The following FOXP4 variants were observed in gnomAD, a reference collection of about 807,000 sequenced individuals.
FOXP4 encodes the protein forkhead box protein P4.
FOXP4 carries 25 observed loss-of-function variants against 82.6 expected under a neutral mutation model. The ratio of observed to expected loss-of-function variants is 0.30; its 90% CI spans 0.22 to 0.42. FOXP4 has a LOEUF of 0.42. Among genes scored for constraint, FOXP4 ranks in the 10% least tolerant of loss-of-function variants. The pLI is 1.00. For synonymous variants in FOXP4, 415 were observed against 388.2 expected, an observed-to-expected ratio of 1.07 and a Z score of -0.81; for missense variants, 785 against 900.9, an observed-to-expected ratio of 0.87 and a Z score of 1.65.
At chr6:41,553,871 C>T (rs991496369) in intron 1 of FOXP4, among the ~76,000 whole-genome samples, 2 of 152,174 alleles carry the variant, frequency 1.3e-5, no homozygotes, top group African/African-American at 4.8e-5. Context: ...TCCAAGCCTC[C>T]CAACAGTCAG....
At chr6:41,565,324 C>T (rs1303224441) in intron 1 of FOXP4, among the ~76,000 whole-genome samples, 2 of 152,310 alleles carry the variant, frequency 1.3e-5, no homozygotes, top group Middle Eastern at 3.4e-3. Flanking sequence ...CGCACCACTG[C>T]ACTCTAGCCT....
intron 1 of FOXP4, among the ~76,000 whole-genome samples, chr6:41,548,842 T>G (rs1284515461): frequency 1.5e-5 from 2 of 130,584 alleles, no homozygotes; most frequent in African/African-American, 6.0e-5. Context: ...TTTTTTTTTT[T>G]TTTCAACTTG....
intron 2 of FOXP4, among the ~76,000 whole-genome samples, chr6:41,576,367 C>T (rs928183655): frequency 5.3e-5 from 8 of 152,080 alleles, no homozygotes; most frequent in South Asian, 2.1e-4. Context: ...TGAACGGACG[C>T]GAAGGTGGTT....
chr6:41,566,078 A>G, intron 2 of FOXP4, 114 bp downstream of exon 2: 1 of 1,201,048 alleles, frequency 8.3e-7, no homozygotes, highest in African/African-American at 1.5e-5. Flanking sequence ...TCACTTTACC[A>G]TTCTTAAGAC....
At chr6:41,565,723 TG>T in intron 1 of FOXP4, 21 bp from the exon 2 acceptor site, 1 of 1,559,778 alleles carries the variant, frequency 6.4e-7, no homozygotes, top group Non-Finnish European at 8.7e-7. Context: ...GCCTCTCCCC[TG>T]TGTCTCTCTT....
At chr6:41,548,802 C>T (rs1261076782) in intron 1 of FOXP4, among the ~76,000 whole-genome samples, 6 of 150,716 alleles carry the variant, frequency 4.0e-5, no homozygotes, top group African/African-American at 1.2e-4. Context: ...CGCGGAAAAC[C>T]GCTGTGGGGA....
At position 41,584,753 on chromosome 6, in the gene FOXP4, G is replaced by A. The variant is rs1275784212; in HGVS notation, c.301-16G>A. On this transcript the variant is annotated splice_polypyrimidine_tract_variant and intron_variant, in intron 3 of 16. Transcript: ENST00000307972. ...TTGGGGTCCAGGGGACAGGGCTAAC[G>A]GGCCGAATCCTGCAGGTGCCTGTGT... 25 of 1,571,502 alleles carry A rather than the reference G, an allele frequency of 1.6e-5. No individual in the cohort carries two copies. The highest frequency in any genetic ancestry group is 2.7e-5 in the African/African-American group (2 of 74,050).
At chr6:41,596,193 T>C (rs1038394174) in intron 14 of FOXP4, among the ~76,000 whole-genome samples, 1 of 152,194 alleles carries the variant, frequency 6.6e-6, no homozygotes, top group African/African-American at 2.4e-5. Context: ...CTACCGCACC[T>C]AGCCTCCACC....
At chr6:41,553,941 C>G (rs1764139082) in intron 1 of FOXP4, among the ~76,000 whole-genome samples, 1 of 152,210 alleles carries the variant, frequency 6.6e-6, no homozygotes, top group African/African-American at 2.4e-5. Flanking sequence ...AGCCCTTGCT[C>G]TGCCCCCTGC....
chr6:41,598,723 GGGGGGCA>G (rs763972655), intron 16 of FOXP4, 59 bp from the exon 17 acceptor site: 18 of 1,546,008 alleles, frequency 1.2e-5, no homozygotes, highest in East Asian at 7.3e-5. Flanking sequence ...GGGTGAGTTT[GGGGGGCA>G]GGGGGCAGAG....
At chr6:41,565,065 G>T (rs1422161545) in intron 1 of FOXP4, among the ~76,000 whole-genome samples, 1 of 152,168 alleles carries the variant, frequency 6.6e-6, no homozygotes, top group Non-Finnish European at 1.5e-5. Context: ...TTAAGACCCA[G>T]ACGGGGGCTA....
At chr6:41,550,444 A>G (rs1200731174) in intron 1 of FOXP4, among the ~76,000 whole-genome samples, 1 of 152,234 alleles carries the variant, frequency 6.6e-6, no homozygotes, top group Non-Finnish European at 1.5e-5. Context: ...TGAAGTATTA[A>G]TCTTCATTTT....
intron 2 of FOXP4, among the ~76,000 whole-genome samples, chr6:41,575,579 G>C (rs1765434894): frequency 1.3e-5 from 2 of 152,140 alleles, no homozygotes; most frequent in African/African-American, 4.8e-5. Context: ...TCACAGGGAG[G>C]GGGAGGTCTC....
rs146097034 is a variant in FOXP4 at position 41,601,885 on chromosome 6, G to A, written c.*2949G>A. On this transcript the variant is annotated 3_prime_UTR_variant, in exon 17 of 17. Transcript: ENST00000307972. ...GGGAAGAGTGTATTTGGGGAGCAGGGGAGGGGAGGGTGTTGAGAAAGCTGA... is the reference window on the plus strand; with the variant it reads ...GGGAAGAGTGTATTTGGGGAGCAGGAGAGGGGAGGGTGTTGAGAAAGCTGA... The A allele has an allele frequency of 6.6e-6, 1 of 152,310 alleles. No homozygotes were observed. Among genetic ancestry groups the A allele is most frequent in the Non-Finnish European group, 1.5e-5 (1 of 68,048 alleles). The allele number at this position is 152,310 out of a possible 1,614,324, so 9.4% of individuals were successfully genotyped here. A position where few individuals can be genotyped will look rare whatever the true frequency, so the allele number is the denominator to read the frequency against.
chr6:41,558,115 C>T lies in FOXP4; in HGVS notation c.-16-7630C>T, dbSNP rs868659652. Among the ~76,000 whole-genome samples, 16 of 152,130 alleles carry T rather than the reference C, an allele frequency of 1.1e-4. No homozygotes were observed. The highest frequency in any genetic ancestry group is 3.6e-4 in the African/African-American group (15 of 41,434). The stretch of plus-strand genomic sequence containing the variant: ...GATGGGGGTACAGAGGGAAGTCCAG[C>T]GTGCCAGCCTCTGACCCACACAATG... On this transcript the variant is annotated intron_variant, in intron 1 of 16. Transcript: ENST00000307972. The surrounding 1 kb of genome is among the most constrained non-coding windows in gnomAD (Gnocchi z 4.0).
intron 3 of FOXP4, among the ~76,000 whole-genome samples, chr6:41,579,825 T>C (rs370920001): frequency 6.6e-6 from 1 of 152,188 alleles, no homozygotes; most frequent in Admixed American, 6.5e-5. Flanking sequence ...CATCCCAAAC[T>C]AACAACTGAC....
In FOXP4 at chr6:41,599,395, C is replaced by T. The variant is rs977158208; in HGVS notation, c.*459C>T. 4 of 159,092 alleles carry T rather than the reference C, an allele frequency of 2.5e-5. No individual in the cohort carries two copies. The highest frequency in any genetic ancestry group is 4.2e-5 in the Non-Finnish European group (3 of 71,628). The allele number at this position is 159,092 out of a possible 1,614,324, so 9.9% of individuals were successfully genotyped here. ...CACTTTCCTAACTCGTGCTCCCTTC[C>T]GCCTTCTTTTCCGTACTGTGAAGAA... On this transcript the variant is annotated 3_prime_UTR_variant, in exon 17 of 17. Coordinates refer to ENST00000307972, the MANE Select transcript of FOXP4 (RefSeq NM_001012426.2).
chr6:41,597,950 G>T lies in FOXP4; in HGVS notation c.1895G>T (p.Ser632Ile). ...CCTCGCCTCTCCCCGCCCCAGTACA[G>T]GTGAGCACACAGCACGGACCCCCAC... ...SPPRLSPPQYSHQVQVKEEPA... is the reference protein window; with the variant it reads ...SPPRLSPPQYIHQVQVKEEPA... The change falls in exon 16 of 17, where the codon AGC (serine) becomes ATC (isoleucine). Residue 632 changes from serine (S) to isoleucine (I), a missense_variant and splice_region_variant. Ser to Ile is a moderately radical substitution (Grantham distance 142, BLOSUM62 -2). Coordinates refer to ENST00000307972, the MANE Select transcript of FOXP4 (RefSeq NM_001012426.2). The T allele has an allele frequency of 6.5e-7, 1 of 1,529,806 alleles. No homozygotes were observed. Among genetic ancestry groups the T allele is most frequent in the Non-Finnish European group, 8.7e-7 (1 of 1,143,480 alleles). The allele number at this position is 1,529,806 out of a possible 1,614,324, so 94.8% of individuals were successfully genotyped here.
rs1360043948 is a variant in FOXP4, at chr6:41,590,176, G to T, written c.1357+6G>T. The T allele has an allele frequency of 6.2e-7, 1 of 1,604,844 alleles. No individual in the cohort carries two copies. On this transcript the variant is annotated splice_donor_region_variant and intron_variant, in intron 11 of 16. Coordinates refer to ENST00000307972, the MANE Select transcript of FOXP4 (RefSeq NM_001012426.2). Reference sequence around the variant, plus strand: ...CTGCTCCCCCATCTCCTCAGGTGAGGGTGGGCTGGGGGCTGCAGGGCGACA... The same window carrying T: ...CTGCTCCCCCATCTCCTCAGGTGAGTGTGGGCTGGGGGCTGCAGGGCGACA...
Sources: allele counts gnomAD v4.1 joint callset (sites outside exome capture counted in the v4.1 genomes callset), GRCh38; gene constraint gnomAD v4.1.1; non-coding constraint Gnocchi (gnomAD v3.1); transcripts MANE v1.5; gene names NCBI Gene and HGNC (gene_info 2026-07-23, HGNC 2026-07-21).